Variants in CREM observed in about 807,000 individuals in gnomAD.
CREM encodes the protein cAMP responsive element modulator, also known as cAMP-responsive element modulator.
A neutral mutation model predicts 37.3 loss-of-function variants in CREM; 13 were observed. The ratio of observed to expected loss-of-function variants is 0.35; its 90% CI spans 0.23 to 0.55. The LOEUF (loss-of-function observed/expected upper bound fraction) is 0.55. CREM is among the 20% of genes least tolerant of loss of function. The probability of loss-of-function intolerance (pLI) is 0.88; values close to 1 mark genes in which losing one functional copy is unlikely to be tolerated. For synonymous variants in CREM, 124 were observed against 120.2 expected (o/e 1.03, Z -0.21); for missense variants, 296 against 362.3 (o/e 0.82, Z 1.49).
chr10:35,143,185 G>C (rs540320721), intron 2 of CREM, among the ~76,000 whole-genome samples: 3 of 151,846 alleles, frequency 2.0e-5, no homozygotes, highest in Admixed American at 1.3e-4. Flanking sequence ...TGGCCAGGCT[G>C]GTCTTTAACT....
In CREM at chr10:35,202,091, T is replaced by C. The variant is rs918508170; in HGVS notation, c.599-4804T>C. 3.3e-5 allele frequency among the ~76,000 whole-genome samples: 5 copies of C among 152,348 alleles called. No homozygotes were observed. In the South Asian group the frequency reaches 1.0e-3, roughly 32 times the overall value. ...ATAAAGTTAGTGTACAAATATCTTA[T>C]AATCTTTCTTCAATCATGATTGTTA... On this transcript the variant is annotated intron_variant, in intron 6 of 7. Coordinates refer to ENST00000685392, the MANE Select transcript of CREM (RefSeq NM_183011.2).
chr10:35,145,894 G>A (rs2092053625), intron 2 of CREM, among the ~76,000 whole-genome samples: 1 of 151,290 alleles, frequency 6.6e-6, no homozygotes, highest in Non-Finnish European at 1.5e-5. Flanking sequence ...TTGCATATAA[G>A]AAGTTAAATT....
chr10:35,158,317 A>G (rs1324133794), intron 3 of CREM: 1 of 182,146 alleles, frequency 5.5e-6, no homozygotes, highest in Non-Finnish European at 1.1e-5. Flanking sequence ...TGGCCAGTCC[A>G]TTGCAGGGTA....
At chr10:35,137,030 T>C (rs1315864744) in intron 1 of CREM, among the ~76,000 whole-genome samples, 4 of 152,250 alleles carry the variant, frequency 2.6e-5, no homozygotes, top group African/African-American at 9.6e-5. Context: ...CCAAGGCTTG[T>C]CTCAAACTCC....
chr10:35,179,545 T>C (rs2094260858), intron 5 of CREM: 1 of 378,324 alleles, frequency 2.6e-6, no homozygotes, highest in Non-Finnish European at 4.7e-6. Flanking sequence ...TACATGTTTA[T>C]ATTAATCTCT....
chr10:35,149,329 G>T (rs1288705925), intron 3 of CREM, among the ~76,000 whole-genome samples: 1 of 152,182 alleles, frequency 6.6e-6, no homozygotes, highest in African/African-American at 2.4e-5. Flanking sequence ...GCCAGAGCAT[G>T]GGATGTTCAG....
At chr10:35,210,155 C>CT (rs550706697) in intron 7 of CREM, among the ~76,000 whole-genome samples, 15 of 151,748 alleles carry the variant, frequency 9.9e-5, no homozygotes, top group African/African-American at 1.4e-4. Flanking sequence ...TTCAACACTG[C>CT]TTTTTTTAAC....
At chr10:35,160,291 A>T (rs935532015) in intron 3 of CREM, among the ~76,000 whole-genome samples, 1 of 152,242 alleles carries the variant, frequency 6.6e-6, no homozygotes, top group Admixed American at 6.5e-5. Flanking sequence ...GCACATCTGT[A>T]TAGGGCACAA....
intron 6 of CREM, among the ~76,000 whole-genome samples, chr10:35,205,937 C>T (rs1158747369): frequency 2.0e-5 from 3 of 148,518 alleles, no homozygotes; most frequent in East Asian, 2.0e-4. Context: ...CAGCCTGGAG[C>T]CACTTAGTGA....
intron 3 of CREM, among the ~76,000 whole-genome samples, chr10:35,164,248 A>G (rs535798263): frequency 6.6e-6 from 1 of 152,248 alleles, no homozygotes; most frequent in Non-Finnish European, 1.5e-5. Flanking sequence ...CATCTGGTCA[A>G]TGTGCAATAA....
intron 6 of CREM, among the ~76,000 whole-genome samples, chr10:35,199,802 G>A (rs1459896723): frequency 1.3e-5 from 2 of 151,292 alleles, no homozygotes; most frequent in African/African-American, 4.9e-5. Context: ...TGAATGCAGT[G>A]TCACGTGAGT....
chr10:35,136,076 T>C (rs529271770), intron 1 of CREM, among the ~76,000 whole-genome samples: 1 of 152,286 alleles, frequency 6.6e-6, no homozygotes, highest in South Asian at 2.1e-4. Flanking sequence ...TGGCCGGAAG[T>C]TGGTGCTTTC....
At chr10:35,194,904 T>TATC (rs2095084650) in intron 6 of CREM, among the ~76,000 whole-genome samples, 1 of 97,898 alleles carries the variant, frequency 1.0e-5, no homozygotes. Flanking sequence ...AAAGAGACAT[T>TATC]ATTATTATTA....
intron 2 of CREM, among the ~76,000 whole-genome samples, chr10:35,145,965 C>G (rs2092063217): frequency 6.6e-6 from 1 of 152,104 alleles, no homozygotes. Flanking sequence ...TTTTTTACAA[C>G]AAATACTTCT....
chr10:35,204,014 C>T (rs1381645037), intron 6 of CREM, among the ~76,000 whole-genome samples: 1 of 152,150 alleles, frequency 6.6e-6, no homozygotes, highest in Non-Finnish European at 1.5e-5. Context: ...ACCAGCTGTT[C>T]TATTGTTTCA....
At chr10:35,137,043 GA>G (rs1259225723) in intron 1 of CREM, among the ~76,000 whole-genome samples, 1 of 152,086 alleles carries the variant, frequency 6.6e-6, no homozygotes, top group Non-Finnish European at 1.5e-5. Context: ...CAAACTCCTG[GA>G]TTCAAGCAAA....
chr10:35,202,660 T>A (rs1264861870), intron 6 of CREM, among the ~76,000 whole-genome samples: 2 of 152,214 alleles, frequency 1.3e-5, no homozygotes, highest in Admixed American at 1.3e-4. Flanking sequence ...ATAGATCCTT[T>A]GGGATATTAT....
intron 1 of CREM, among the ~76,000 whole-genome samples, chr10:35,131,196 G>A (rs959243346): frequency 6.6e-6 from 1 of 152,188 alleles, no homozygotes; most frequent in Non-Finnish European, 1.5e-5. Flanking sequence ...CTAAACAGTA[G>A]TATAACCAGG....
chr10:35,146,484 T>A (rs1025798089), intron 2 of CREM, among the ~76,000 whole-genome samples: 1 of 152,170 alleles, frequency 6.6e-6, no homozygotes, highest in Admixed American at 6.5e-5. Flanking sequence ...AGATAATGCC[T>A]TTTTAGAACC....
Sources: allele counts gnomAD v4.1 joint callset (sites outside exome capture counted in the v4.1 genomes callset), GRCh38; gene constraint gnomAD v4.1.1; transcripts MANE v1.5; gene names NCBI Gene and HGNC (gene_info 2026-07-23, HGNC 2026-07-21).